The following PPFIA2 variants were observed in gnomAD, a reference collection of about 807,000 sequenced individuals.
PPFIA2 encodes PPFI scaffold protein A2, also known as liprin-alpha-2.
Under a neutral mutation model 175.5 loss-of-function variants are expected in PPFIA2, and 46 were observed. That is an observed-to-expected ratio of 0.26 (90% CI 0.21 to 0.34). PPFIA2 has a LOEUF of 0.34. Among genes scored for constraint, PPFIA2 ranks in the 10% least tolerant of loss-of-function variants. PPFIA2 has a pLI of 1.00. For synonymous variants in PPFIA2, 568 were observed against 511.4 expected (o/e 1.11, Z -1.49); for missense variants, 1,179 against 1,506.1 (o/e 0.78, Z 3.60).
At chr12:81,553,504 G>T (rs954450955) in intron 4 of PPFIA2, among the ~76,000 whole-genome samples, 2 of 152,048 alleles carry the variant, frequency 1.3e-5, no homozygotes, top group Admixed American at 1.3e-4. Context: ...GAAGTTGGTA[G>T]CATAAAAGAC....
chr12:81,715,036 A>G (rs376432795), intron 3 of PPFIA2, among the ~76,000 whole-genome samples: 3 of 151,104 alleles, frequency 2.0e-5, no homozygotes, highest in East Asian at 4.0e-4. Flanking sequence ...CAAACTCCCT[A>G]TGTCATTCTT....
chr12:81,266,828 T>C (rs540750131), intron 30 of PPFIA2, 124 bp downstream of exon 30: 1 of 718,206 alleles, frequency 1.4e-6, no homozygotes, highest in Non-Finnish European at 2.4e-6. Context: ...CTGGAGAAAA[T>C]TATTGATTCT....
At chr12:81,637,632 T>A (rs987059056) in intron 4 of PPFIA2, among the ~76,000 whole-genome samples, 2 of 152,016 alleles carry the variant, frequency 1.3e-5, no homozygotes, top group Non-Finnish European at 2.9e-5. Context: ...CTTCTAAGGG[T>A]AGGAATCAAG....
At chr12:81,416,823 A>G (rs1214145677) in intron 7 of PPFIA2, among the ~76,000 whole-genome samples, 1 of 151,740 alleles carries the variant, frequency 6.6e-6, no homozygotes, top group Non-Finnish European at 1.5e-5. Flanking sequence ...AGGAAAAGCA[A>G]AATTAAAGAT....
At chr12:81,677,572 T>C (rs1596313007) in intron 3 of PPFIA2, among the ~76,000 whole-genome samples, 1 of 152,080 alleles carries the variant, frequency 6.6e-6, no homozygotes, top group Non-Finnish European at 1.5e-5. Flanking sequence ...TTTTTATAGC[T>C]CTTACATATG....
chr12:81,411,217 C>T (rs919771923), intron 7 of PPFIA2, among the ~76,000 whole-genome samples: 1 of 152,020 alleles, frequency 6.6e-6, no homozygotes, highest in Non-Finnish European at 1.5e-5. Flanking sequence ...TTGTGTTCCT[C>T]GCACTGTAAG....
intron 4 of PPFIA2, among the ~76,000 whole-genome samples, chr12:81,473,830 T>C (rs1376698863): frequency 6.6e-6 from 1 of 152,246 alleles, no homozygotes; most frequent in Non-Finnish European, 1.5e-5. Context: ...ATTAGAATGA[T>C]TGACTGTTGT....
chr12:81,462,220 G>A (rs1299919201), intron 4 of PPFIA2, among the ~76,000 whole-genome samples: 5 of 137,582 alleles, frequency 3.6e-5, no homozygotes, highest in South Asian at 2.3e-4. Context: ...TATTCTACAC[G>A]GCAATGACAT....
At chr12:81,266,506 A>C (rs1200054248) in intron 30 of PPFIA2, among the ~76,000 whole-genome samples, 1 of 152,214 alleles carries the variant, frequency 6.6e-6, no homozygotes, top group Non-Finnish European at 1.5e-5. Flanking sequence ...CAATATATAA[A>C]ATAATAAAAA....
At chr12:81,637,978 C>T (rs550227840) in intron 4 of PPFIA2, among the ~76,000 whole-genome samples, 19 of 152,076 alleles carry the variant, frequency 1.2e-4, no homozygotes, top group Non-Finnish European at 2.2e-4. Flanking sequence ...ACGAGCTATA[C>T]GCTATCTTTT....
At position 81,374,783 on chromosome 12, in the gene PPFIA2, G is replaced by A. The variant is rs769735914; in HGVS notation, c.1132-15C>T. 6.2e-7 allele frequency: 1 copy of A among 1,608,124 alleles called. No homozygotes were observed. The highest frequency in any genetic ancestry group is 8.5e-7 in the Non-Finnish European group (1 of 1,176,558). ...TTCTCTTCCATCTGAAATGGGAATG[G>A]GAGCAGAGACACTTAAAGAGTCAGA... On this transcript the variant is annotated splice_polypyrimidine_tract_variant and intron_variant, in intron 10 of 32. Transcript: ENST00000549396.
intron 25 of PPFIA2, 97 bp downstream of exon 25, chr12:81,284,144 C>A: frequency 1.1e-6 from 1 of 933,692 alleles, no homozygotes; most frequent in Non-Finnish European, 1.7e-6. Flanking sequence ...TAAAAACACA[C>A]CCTATTACTC....
chr12:81,668,057 C>T (rs1383854953), intron 4 of PPFIA2, among the ~76,000 whole-genome samples: 3 of 152,010 alleles, frequency 2.0e-5, no homozygotes, highest in Non-Finnish European at 4.4e-5. Flanking sequence ...GGAGGTCCTC[C>T]CATGGGGACA....
chr12:81,268,405 T>C (rs1017104768), intron 28 of PPFIA2, among the ~76,000 whole-genome samples: 3 of 152,094 alleles, frequency 2.0e-5, no homozygotes, highest in Admixed American at 2.0e-4. Flanking sequence ...CCCAAAGTGC[T>C]GGGATTACAG....
rs1407968415 is a variant in PPFIA2 at position 81,642,717 on chromosome 12, T to TGTATATATTATATACATACATGTATATAA, written c.303+34073_303+34074insTTATATACATGTATGTATATAATATATAC. On this transcript the variant is annotated intron_variant, in intron 4 of 32. Transcript: ENST00000549396. ...ACATACATGTATATGTATGTATGTA[T>TGTATATATTATATACATACATGTATATAA]TATATACATACATGTATATGTATGT... 9.0e-4 allele frequency among the ~76,000 whole-genome samples: 81 copies of TGTATATATTATATACATACATGTATATAA among 89,994 alleles called. 29 individuals carry two copies. Among genetic ancestry groups the TGTATATATTATATACATACATGTATATAA allele is most frequent in the Non-Finnish European group, 1.7e-3 (72 of 42,448 alleles). The allele number at this position is 89,994 out of a possible 152,430, so 59.0% of individuals were successfully genotyped here.
intron 10 of PPFIA2, 46 bp from the exon 11 acceptor site, chr12:81,374,814 G>C: frequency 6.4e-7 from 1 of 1,558,386 alleles, no homozygotes; most frequent in South Asian, 1.2e-5. Context: ...TCAGAGTTTG[G>C]ATAGCAAACA....
intron 4 of PPFIA2, among the ~76,000 whole-genome samples, chr12:81,566,876 G>A (rs1202062016): frequency 6.6e-6 from 1 of 152,194 alleles, no homozygotes; most frequent in Non-Finnish European, 1.5e-5. Flanking sequence ...TGACATAGAT[G>A]TATATCAGTA....
intron 4 of PPFIA2, among the ~76,000 whole-genome samples, chr12:81,608,409 G>A (rs1230703794): frequency 6.6e-6 from 1 of 152,064 alleles, no homozygotes; most frequent in Non-Finnish European, 1.5e-5. Context: ...ATTCAGCTGT[G>A]AATCCATCTG....
chr12:81,415,144 G>A lies in PPFIA2; in HGVS notation c.646-9241C>T, dbSNP rs551222603. ...AAATTGCTTTGAGGTAAGAATGAGA[G>A]GTTTGCATTGTGAGAATTTATCTTG... On this transcript the variant is annotated intron_variant, in intron 7 of 32. Coordinates refer to ENST00000549396, the MANE Select transcript of PPFIA2 (RefSeq NM_003625.5). 6.2e-5 allele frequency among the ~76,000 whole-genome samples: 7 copies of A among 112,356 alleles called. No homozygotes were observed. In the South Asian group the frequency reaches 2.2e-3, roughly 36 times the overall value. The allele number at this position is 112,356 out of a possible 152,430, so 73.7% of individuals were successfully genotyped here. A position where few individuals can be genotyped will look rare whatever the true frequency, so the allele number is the denominator to read the frequency against.
Sources: allele counts gnomAD v4.1 joint callset (sites outside exome capture counted in the v4.1 genomes callset), GRCh38; gene constraint gnomAD v4.1.1; transcripts MANE v1.5; gene names NCBI Gene and HGNC (gene_info 2026-07-23, HGNC 2026-07-21).